Variants in KIAA1755 observed in about 807,000 individuals in gnomAD.
KIAA1755 encodes the protein uncharacterized protein KIAA1755.
In KIAA1755, 68 loss-of-function variants were observed where a neutral mutation model predicts 91.7. The ratio of observed to expected loss-of-function variants is 0.74; its 90% confidence interval spans 0.61 to 0.91. The LOEUF is 0.91. KIAA1755 is among the 40% of genes least tolerant of loss of function. The probability of loss-of-function intolerance (pLI) is 0.00; values close to 1 mark genes in which losing one functional copy is unlikely to be tolerated. For missense variants in KIAA1755, 1,535 were observed against 1,494.4 expected, an observed-to-expected ratio of 1.03 and a Z score of -0.45; for synonymous variants, 610 against 604.6, an observed-to-expected ratio of 1.01 and a Z score of -0.13.
intron 1 of KIAA1755, among the ~76,000 whole-genome samples, chr20:38,248,681 TTTATTATTA>T (rs139229061): frequency 5.5e-5 from 8 of 144,788 alleles, no homozygotes; most frequent in East Asian, 2.0e-4. Context: ...TTGTCTTCTC[TTTATTATTA>T]TTATTATTAT....
At chr20:38,229,068 T>A (rs982990615) in intron 5 of KIAA1755, among the ~76,000 whole-genome samples, 1 of 152,116 alleles carries the variant, frequency 6.6e-6, no homozygotes, top group Non-Finnish European at 1.5e-5. Context: ...ATCTGTGTGG[T>A]TCCAAGCACC....
Position 38,211,682 on chromosome 20 carries a change from TA to T in KIAA1755, c.*1359del, listed in dbSNP as rs1251433478. 6.6e-6 allele frequency: 1 copy of T among 152,204 alleles called. No individual in the cohort carries two copies. Among genetic ancestry groups the T allele is most frequent in the Non-Finnish European group, 1.5e-5 (1 of 68,074 alleles). The allele number at this position is 152,204 out of a possible 1,614,324, so 9.4% of individuals were successfully genotyped here. A position where few individuals can be genotyped will look rare whatever the true frequency, so the allele number is the denominator to read the frequency against. On this transcript the variant is annotated 3_prime_UTR_variant, in exon 14 of 14. Transcript: ENST00000279024. ...GGAGGTGAGAGAGAGGAGGGACCTC[TA>T]AGGCGGAGAGGATTCTCTCTGGAGG...
intron 12 of KIAA1755, 164 bp downstream of exon 12, chr20:38,218,080 G>A: frequency 1.3e-6 from 1 of 792,070 alleles, no homozygotes; most frequent in Non-Finnish European, 2.0e-6. Context: ...ATCTCTGGGG[G>A]AGATAACATC....
intron 4 of KIAA1755, among the ~76,000 whole-genome samples, chr20:38,234,058 C>G (rs996273883): frequency 6.6e-6 from 1 of 152,118 alleles, no homozygotes; most frequent in African/African-American, 2.4e-5. Flanking sequence ...AGAGAGGCCA[C>G]AGAAGGAAAC....
At chr20:38,243,701 C>A (rs1250951811) in intron 2 of KIAA1755, among the ~76,000 whole-genome samples, 1 of 152,214 alleles carries the variant, frequency 6.6e-6, no homozygotes, top group Non-Finnish European at 1.5e-5. Context: ...TCCCCAAGCC[C>A]CACCAGACTT....
chr20:38,258,760 G>T (rs2076383539), intron 1 of KIAA1755, among the ~76,000 whole-genome samples: 1 of 152,190 alleles, frequency 6.6e-6, no homozygotes, highest in African/African-American at 2.4e-5. Flanking sequence ...ACAGAAGTGA[G>T]GCCAGGGAGG....
Position 38,228,232 on chromosome 20 carries a change from T to A in KIAA1755, c.1880A>T (p.Asp627Val). The A allele has an allele frequency of 6.3e-7, 1 of 1,598,690 alleles. No homozygotes were observed. ...CAGGACCGCCAGCCCCTTGGCTTTATCTTCAGGCCTGTGGGTGGTAAACAG... is the reference window on the plus strand; with the variant it reads ...CAGGACCGCCAGCCCCTTGGCTTTAACTTCAGGCCTGTGGGTGGTAAACAG... ...SYLCTIPRPE[D>V]KAKGLAVLID... Residue 627 changes from aspartate to valine, a missense_variant, in exon 6 of 14, where the codon GAT (aspartate) becomes GTT (valine). Coordinates refer to ENST00000279024, the MANE Select transcript of KIAA1755 (RefSeq NM_001029864.2).
chr20:38,217,136 G>A, intron 13 of KIAA1755, 117 bp downstream of exon 13: 1 of 861,816 alleles, frequency 1.2e-6, no homozygotes, highest in Non-Finnish European at 1.8e-6. Flanking sequence ...GTATCCAAGG[G>A]ATGGGGGCGG....
rs148175822 is a variant in KIAA1755 at position 38,213,517 on chromosome 20, T to C, written c.3128A>G (p.Glu1043Gly). ...LWEEARIRHE[E>G]IRMLLEKALT... Reference sequence around the variant, plus strand: ...TGCCTTCTCCAGGAGCATCCGGATCTCCTCATGCCTGATCCGGGCCTCCTC... The same window carrying C: ...TGCCTTCTCCAGGAGCATCCGGATCCCCTCATGCCTGATCCGGGCCTCCTC... Residue 1043 changes from glutamate to glycine, a missense_variant, in exon 14 of 14, where the codon GAG becomes GGG. Glu to Gly is a moderately conservative substitution (Grantham distance 98). Transcript: ENST00000279024. 1.6e-5 allele frequency: 26 copies of C among 1,610,574 alleles called. No individual in the cohort carries two copies. Among genetic ancestry groups the C allele is most frequent in the Non-Finnish European group, 2.1e-5 (25 of 1,179,054 alleles).
intron 8 of KIAA1755, among the ~76,000 whole-genome samples, 190 bp from the exon 9 acceptor site, chr20:38,223,826 T>C (rs892638697): frequency 2.6e-5 from 4 of 152,172 alleles, no homozygotes; most frequent in African/African-American, 9.7e-5. Context: ...TCAGTTCCTC[T>C]GGGGCGAGGC....
chr20:38,250,476 A>C (rs2076227628), intron 1 of KIAA1755, among the ~76,000 whole-genome samples: 1 of 140,312 alleles, frequency 7.1e-6, no homozygotes, highest in Non-Finnish European at 1.6e-5. Context: ...TATTATTATT[A>C]TTATTATTAT....
At position 38,246,088 on chromosome 20, in the gene KIAA1755, C is replaced by CA. The variant is rs1296508796; in HGVS notation, c.41dup (p.Ala15GlyfsTer46). 1 of 1,613,954 alleles carries CA rather than the reference C, an allele frequency of 6.2e-7. No homozygotes were observed. Among genetic ancestry groups the CA allele is most frequent in the East Asian group, 2.2e-5 (1 of 44,860 alleles). On this transcript the variant is annotated frameshift_variant, in exon 2 of 14. Coordinates refer to ENST00000279024, the MANE Select transcript of KIAA1755 (RefSeq NM_001029864.2). LOFTEE classifies it high-confidence loss of function. ...CCTCGAAAGGAGGATAGAGGCCCGCCAGGGCATGCTGGATGGCTGTGTCGA... is the reference window on the plus strand; with the variant it reads ...CCTCGAAAGGAGGATAGAGGCCCGCCAAGGGCATGCTGGATGGCTGTGTCGA...
chr20:38,238,842 C>A (rs777153720), intron 4 of KIAA1755, among the ~76,000 whole-genome samples: 1 of 152,166 alleles, frequency 6.6e-6, no homozygotes, highest in Admixed American at 6.5e-5. Flanking sequence ...TACCCCAAAC[C>A]CAGATCCCCT....
chr20:38,257,959 G>A (rs2076368680), intron 1 of KIAA1755, among the ~76,000 whole-genome samples: 1 of 151,572 alleles, frequency 6.6e-6, no homozygotes, highest in Non-Finnish European at 1.5e-5. Context: ...GAGTGCAATG[G>A]TGCGATCTCG....
intron 5 of KIAA1755, among the ~76,000 whole-genome samples, chr20:38,229,081 C>G (rs935157663): frequency 6.6e-6 from 1 of 152,188 alleles, no homozygotes; most frequent in Non-Finnish European, 1.5e-5. Context: ...CAAGCACCCT[C>G]GGCCAGTCTA....
At chr20:38,259,580 T>A (rs2076403345) in intron 1 of KIAA1755, among the ~76,000 whole-genome samples, 1 of 26,626 alleles carries the variant, frequency 3.8e-5, no homozygotes, top group Non-Finnish European at 6.7e-5. Context: ...ATTCTTCTGC[T>A]TGTGGAGATG....
intron 1 of KIAA1755, 43 bp downstream of exon 1, chr20:38,260,455 T>A (rs776355590): frequency 1.3e-6 from 2 of 1,521,542 alleles, no homozygotes; most frequent in Non-Finnish European, 1.8e-6. Context: ...CTGTGCCCAC[T>A]GAAAGGGGGC....
rs1483071097 is a variant in KIAA1755, at chr20:38,237,158, C to T, written c.1747+2370G>A. ...TTCATAGACTTCCTTCCAATTGCTT[C>T]TGCTTACTCACTCAGACCAGAAGGA... On this transcript the variant is annotated intron_variant, in intron 4 of 13. Coordinates refer to ENST00000279024, the MANE Select transcript of KIAA1755 (RefSeq NM_001029864.2). Among the ~76,000 whole-genome samples, 3 of 146,406 alleles carry T rather than the reference C, an allele frequency of 2.0e-5. 1 individual carries two copies. Among genetic ancestry groups the T allele is most frequent in the Middle Eastern group, 7.2e-3 (2 of 278 alleles).
At position 38,213,480 on chromosome 20, in the gene KIAA1755, G is replaced by A; in HGVS notation, c.3165C>T (p.Ser1055=). The A allele has an allele frequency of 6.2e-7, 1 of 1,607,004 alleles. No individual in the cohort carries two copies. The highest frequency in any genetic ancestry group is 8.5e-7 in the Non-Finnish European group (1 of 1,176,946). The change falls in exon 14 of 14, where the codon AGC becomes AGT. Residue 1055 remains serine (S), a synonymous_variant. Coordinates refer to ENST00000279024, the MANE Select transcript of KIAA1755 (RefSeq NM_001029864.2). ...GAGCAGCTGGAGCCTCTGGGCAAGA[G>A]CTGTGGGTCAGTGCCTTCTCCAGGA... ...RMLLEKALTH[S]SCPEAPAAHS... is the part of the protein sequence containing the mutation.
Sources: gnomAD v4.1 joint callset for allele counts (sites outside exome capture counted in the v4.1 genomes callset) on GRCh38, gnomAD v4.1.1 for gene constraint, MANE v1.5 for transcripts, NCBI Gene and HGNC (gene_info 2026-07-23, HGNC 2026-07-21) for gene names.